The following STON2 variants were observed in gnomAD, a reference collection of about 807,000 sequenced individuals.
STON2 encodes stonin 2, also known as stonin-2.
STON2 carries 29 observed loss-of-function variants against 65.7 expected under a neutral mutation model. The observed-to-expected ratio is 0.44, with a 90% confidence interval of 0.33 to 0.60. The LOEUF is 0.60. STON2 is among the 20% of genes least tolerant of loss of function. The probability of loss-of-function intolerance (pLI) is 0.03; values close to 1 mark genes in which losing one functional copy is unlikely to be tolerated. For synonymous variants in STON2, 404 were observed against 414.2 expected (o/e 0.98, Z 0.30); for missense variants, 1,054 against 1,118.1 (o/e 0.94, Z 0.82).
intron 4 of STON2, among the ~76,000 whole-genome samples, chr14:81,332,372 T>C (rs1227567717): frequency 1.3e-5 from 2 of 152,334 alleles, no homozygotes; most frequent in East Asian, 3.9e-4. Flanking sequence ...AGCAAAATTT[T>C]ATATGCATCA....
At chr14:81,380,039 A>G (rs968773992) in intron 3 of STON2, among the ~76,000 whole-genome samples, 5 of 152,218 alleles carry the variant, frequency 3.3e-5, no homozygotes, top group African/African-American at 9.6e-5. Flanking sequence ...AAAAGAAACT[A>G]TCAACGGAGT....
At chr14:81,360,544 G>C (rs1898446096) in intron 4 of STON2, among the ~76,000 whole-genome samples, 1 of 152,120 alleles carries the variant, frequency 6.6e-6, no homozygotes, top group South Asian at 2.1e-4. Flanking sequence ...AAGGCCATAT[G>C]TGATTAAACA....
In STON2 at chr14:81,263,727, C is replaced by T. The variant is rs574851925; in HGVS notation, c.*4687G>A. 4.1e-6 allele frequency: 4 copies of T among 985,258 alleles called. No individual in the cohort carries two copies. In the South Asian group the frequency reaches 1.9e-4, roughly 46 times the overall value. The allele number at this position is 985,258 out of a possible 1,614,324, so 61.0% of individuals were successfully genotyped here. ...AGATATGCTGGAATTAACATATAAT[C>T]CTCATTTTTAGAAGAGTTAAAGTTA... On this transcript the variant is annotated 3_prime_UTR_variant, in exon 8 of 8. Transcript: ENST00000614646.
intron 2 of STON2, among the ~76,000 whole-genome samples, chr14:81,419,050 T>TAA (rs5810030): frequency 1.5e-4 from 22 of 147,672 alleles, no homozygotes; most frequent in African/African-American, 3.2e-4. Context: ...CTCTACAAAT[T>TAA]AAAAAAAAAA....
intron 3 of STON2, 110 bp from the exon 4 acceptor site, chr14:81,371,295 T>A (rs1898980531): frequency 9.8e-7 from 1 of 1,019,832 alleles, no homozygotes; most frequent in Non-Finnish European, 1.4e-6. Context: ...ATCTCAACAG[T>A]CATATGAGGC....
At chr14:81,325,604 T>C (rs1031069046) in intron 4 of STON2, among the ~76,000 whole-genome samples, 1 of 152,156 alleles carries the variant, frequency 6.6e-6, no homozygotes, top group Non-Finnish European at 1.5e-5. Context: ...GGTTCAGAAA[T>C]GTTTATGTAT....
chr14:81,326,385 G>A lies in STON2; in HGVS notation c.572-2198C>T, dbSNP rs954367785. ...TGATGTTCCATGACTCAGATTTTGC[G>A]AGATTGGCTCATACAACCCCTCCTT... is the stretch of plus-strand genomic sequence containing the variant. On this transcript the variant is annotated intron_variant, in intron 4 of 7. Transcript: ENST00000614646. Among the ~76,000 whole-genome samples the A allele has an allele frequency of 7.2e-5, 11 of 152,250 alleles. 1 individual carries two copies. In the East Asian group the frequency reaches 7.7e-4, roughly 11 times the overall value.
At position 81,324,126 on chromosome 14, in the gene STON2, C is replaced by T. The variant is rs1031493652; in HGVS notation, c.633G>A (p.Ser211=). Among the ~76,000 whole-genome samples, 1 of 152,070 alleles carries T rather than the reference C, an allele frequency of 6.6e-6. No individual in the cohort carries two copies. The highest frequency in any genetic ancestry group is 1.5e-5 in the Non-Finnish European group (1 of 68,014). Residue 211 remains serine (S), a synonymous_variant, in exon 5 of 8, where the codon TCG becomes TCA. Coordinates refer to ENST00000614646, the MANE Select transcript of STON2 (RefSeq NM_001394390.1). ...GGTGGGTGCGGGTGGAGGTATGCTC[C>T]GAGCATGCTTGAACAGGACTCACTG... ...QTAVSPVQAC[S]EHTSTRTHRL...
At position 81,267,317 on chromosome 14, in the gene STON2, G is replaced by C. The variant is rs1894394581; in HGVS notation, c.*1097C>G. On this transcript the variant is annotated 3_prime_UTR_variant, in exon 8 of 8. Transcript: ENST00000614646. ...ATGGCTTTTCCACGTCTCTACCCTA[G>C]AGATGCCTTTTCAATCCAATCCAAT... The C allele has an allele frequency of 2.0e-6, 2 of 985,218 alleles. No individual in the cohort carries two copies. The highest frequency in any genetic ancestry group is 2.4e-6 in the Non-Finnish European group (2 of 829,900). The allele number at this position is 985,218 out of a possible 1,614,324, so 61.0% of individuals were successfully genotyped here.
At chr14:81,435,133 G>C (rs1902366612) in intron 1 of STON2, among the ~76,000 whole-genome samples, 1 of 152,114 alleles carries the variant, frequency 6.6e-6, no homozygotes, top group African/African-American at 2.4e-5. Flanking sequence ...TTTTTCAAAG[G>C]TCACAAAGCT....
At chr14:81,354,761 G>A (rs771898353) in intron 4 of STON2, among the ~76,000 whole-genome samples, 6 of 152,188 alleles carry the variant, frequency 3.9e-5, no homozygotes, top group Non-Finnish European at 5.9e-5. Context: ...GCTCACGCCT[G>A]TAATCCCAGC....
At chr14:81,271,699 G>A (rs769707265) in intron 6 of STON2, among the ~76,000 whole-genome samples, 1 of 152,190 alleles carries the variant, frequency 6.6e-6, no homozygotes, top group Non-Finnish European at 1.5e-5. Flanking sequence ...TTTTACTTGA[G>A]AATTGTTATT....
At position 81,266,977 on chromosome 14, in the gene STON2, T is replaced by C. The variant is rs1285460662; in HGVS notation, c.*1437A>G. 2.8e-5 allele frequency: 28 copies of C among 985,278 alleles called. No homozygotes were observed. The highest frequency in any genetic ancestry group is 3.3e-5 in the Non-Finnish European group (27 of 829,846). 61.0% of individuals were successfully genotyped at this position (985,278 alleles called of 1,614,324 possible). A position where few individuals can be genotyped will look rare whatever the true frequency, so the allele number is the denominator to read the frequency against. On this transcript the variant is annotated 3_prime_UTR_variant, in exon 8 of 8. Transcript: ENST00000614646. ...TATTTCAAAATACTGTAACTATTTC[T>C]ATATCCCAGTGTCAATACACATTTA...
At chr14:81,317,428 C>CTATA (rs1896666060) in intron 5 of STON2, among the ~76,000 whole-genome samples, 1 of 152,200 alleles carries the variant, frequency 6.6e-6, no homozygotes, top group African/African-American at 2.4e-5. Context: ...ATAGCAAAGC[C>CTATA]TATAAATTAG....
At chr14:81,332,706 G>T (rs1295565055) in intron 4 of STON2, among the ~76,000 whole-genome samples, 2 of 152,074 alleles carry the variant, frequency 1.3e-5, no homozygotes, top group Non-Finnish European at 2.9e-5. Flanking sequence ...AAAAAGATTA[G>T]ATTTGCTCTT....
At chr14:81,362,863 T>G (rs571278332) in intron 4 of STON2, among the ~76,000 whole-genome samples, 123 of 152,294 alleles carry the variant, frequency 8.1e-4, no homozygotes, top group Non-Finnish European at 1.5e-3. Flanking sequence ...GCTGGGGATA[T>G]ACAATAGAAG....
intron 4 of STON2, among the ~76,000 whole-genome samples, chr14:81,361,366 T>C (rs1281173061): frequency 6.6e-6 from 1 of 152,156 alleles, no homozygotes; most frequent in Non-Finnish European, 1.5e-5. Context: ...TACAGTCATT[T>C]GATTTTTGAC....
chr14:81,265,393 G>A lies in STON2; in HGVS notation c.*3021C>T, dbSNP rs952402783. The A allele has an allele frequency of 2.7e-5, 26 of 965,068 alleles. No individual in the cohort carries two copies. Among genetic ancestry groups the A allele is most frequent in the Non-Finnish European group, 3.0e-5 (24 of 811,784 alleles). 59.8% of individuals were successfully genotyped at this position (965,068 alleles called of 1,614,324 possible). Reference sequence around the variant, plus strand: ...TTGTGGGTCCAGCATGGTGGCTCACGCCTGTAATCCCAGAGCTTTGGGAGA... The same window carrying A: ...TTGTGGGTCCAGCATGGTGGCTCACACCTGTAATCCCAGAGCTTTGGGAGA... On this transcript the variant is annotated 3_prime_UTR_variant, in exon 8 of 8. Coordinates refer to ENST00000614646, the MANE Select transcript of STON2 (RefSeq NM_001394390.1).
rs1269050052 is a variant in STON2, at chr14:81,261,828, G to GCATTCCAC, written c.*6578_*6585dup. Reference sequence around the variant, plus strand: ...TGATGCCAGTGGAACTTCCAAAGAAGCATTCCACCTGATCTTCACCACCCT... The same window carrying GCATTCCAC: ...TGATGCCAGTGGAACTTCCAAAGAAGCATTCCACCATTCCACCTGATCTTCACCACCCT... On this transcript the variant is annotated 3_prime_UTR_variant, in exon 8 of 8. Coordinates refer to ENST00000614646, the MANE Select transcript of STON2 (RefSeq NM_001394390.1). The GCATTCCAC allele has an allele frequency of 6.5e-7, 1 of 1,533,650 alleles. No homozygotes were observed. The highest frequency in any genetic ancestry group is 2.0e-5 in the Admixed American group (1 of 50,014).
Sources: allele counts gnomAD v4.1 joint callset (sites outside exome capture counted in the v4.1 genomes callset), GRCh38; gene constraint gnomAD v4.1.1; transcripts MANE v1.5; gene names NCBI Gene and HGNC (gene_info 2026-07-23, HGNC 2026-07-21).